The following SYT1 variants were observed in gnomAD, a reference collection of about 807,000 sequenced individuals.
SYT1 encodes the protein synaptotagmin 1.
In SYT1, 8 loss-of-function variants were observed where a neutral mutation model predicts 44.8. That is an observed-to-expected ratio of 0.18 (90% CI 0.10 to 0.32). The LOEUF is 0.32. Among genes scored for constraint, SYT1 ranks in the 10% least tolerant of loss-of-function variants. SYT1 has a pLI of 1.00. For synonymous variants in SYT1, 154 were observed against 188.8 expected (o/e 0.82, Z 1.51); for missense variants, 286 against 509.3 (o/e 0.56, Z 4.22).
chr12:78,945,324 C>A (rs1342479561), intron 1 of SYT1, among the ~76,000 whole-genome samples: 1 of 151,738 alleles, frequency 6.6e-6, no homozygotes, highest in African/African-American at 2.4e-5. Flanking sequence ...CTAAGATATT[C>A]TTTCATGTAT....
chr12:79,440,112 G>A (rs1033883381), intron 9 of SYT1, among the ~76,000 whole-genome samples: 1 of 152,100 alleles, frequency 6.6e-6, no homozygotes, highest in African/African-American at 2.4e-5. Context: ...CAGCTACTTG[G>A]GAGGCTGAGG....
At chr12:79,408,729 CT>C (rs200830513) in intron 9 of SYT1, among the ~76,000 whole-genome samples, 19,433 of 141,022 alleles carry the variant, frequency 0.14, 1,596 homozygotes, top group Middle Eastern at 0.34. Context: ...CCTTTTCTTT[CT>C]TTTTTTTTTT....
chr12:79,340,243 C>A (rs1482058997), intron 8 of SYT1, among the ~76,000 whole-genome samples: 1 of 152,166 alleles, frequency 6.6e-6, no homozygotes, highest in Non-Finnish European at 1.5e-5. Context: ...GGCACTGAAT[C>A]TATAAATTAC....
At chr12:79,062,742 G>T (rs1347154440) in intron 3 of SYT1, among the ~76,000 whole-genome samples, 15 of 152,146 alleles carry the variant, frequency 9.9e-5, no homozygotes, top group Non-Finnish European at 2.2e-4. Context: ...CAATTTAAAA[G>T]AATCACTTCT....
intron 2 of SYT1, among the ~76,000 whole-genome samples, chr12:79,005,935 A>G (rs1207260957): frequency 6.6e-6 from 1 of 152,120 alleles, no homozygotes; most frequent in Non-Finnish European, 1.5e-5. Context: ...CCAAAGGAGT[A>G]TTGCCATTTG....
intron 3 of SYT1, among the ~76,000 whole-genome samples, chr12:79,071,860 C>G (rs951538798): frequency 6.6e-6 from 1 of 152,120 alleles, no homozygotes; most frequent in Admixed American, 6.6e-5. Flanking sequence ...TCTGCAAAGA[C>G]CCTATTTCCA....
Position 79,308,998 on chromosome 12 carries a change from C to T in SYT1, c.810+9447C>T, listed in dbSNP as rs186361603. Among the ~76,000 whole-genome samples, 1,103 of 152,316 alleles carry T rather than the reference C, an allele frequency of 7.2e-3. 14 individuals are homozygous for T. The highest frequency in any genetic ancestry group is 0.025 in the African/African-American group (1,052 of 41,570). ...ATAAGAGCAGTAGTATGAGTGCTGG[C>T]AGACCAGCTGCCACTTTCCTATACA... On this transcript the variant is annotated intron_variant, in intron 8 of 10. Coordinates refer to ENST00000261205, the MANE Select transcript of SYT1 (RefSeq NM_005639.3).
chr12:79,179,506 GATATAGATATATCT>G (rs1872347086), intron 3 of SYT1, among the ~76,000 whole-genome samples: 1 of 90,724 alleles, frequency 1.1e-5, no homozygotes, highest in African/African-American at 4.3e-5. Flanking sequence ...TATAGATATA[GATATAGATATATCT>G]ATATAGATAT....
intron 3 of SYT1, among the ~76,000 whole-genome samples, chr12:79,136,720 C>A (rs1290923273): frequency 6.6e-6 from 1 of 152,040 alleles, no homozygotes; most frequent in Non-Finnish European, 1.5e-5. Context: ...TCTTGCTAAA[C>A]TGAAAAACAA....
chr12:79,448,324 A>T (rs1389514668), intron 10 of SYT1, among the ~76,000 whole-genome samples: 1 of 152,224 alleles, frequency 6.6e-6, no homozygotes, highest in African/African-American at 2.4e-5. Flanking sequence ...TTTTAACCAT[A>T]CTTTTCACTA....
At chr12:78,960,094 T>G (rs1406376934) in intron 1 of SYT1, among the ~76,000 whole-genome samples, 1 of 152,186 alleles carries the variant, frequency 6.6e-6, no homozygotes, top group Non-Finnish European at 1.5e-5. Context: ...TAATAGTCAA[T>G]ACATTAGTGA....
At chr12:79,428,354 C>T in intron 9 of SYT1, among the ~76,000 whole-genome samples, 1 of 152,080 alleles carries the variant, frequency 6.6e-6, no homozygotes, top group East Asian at 1.9e-4. Flanking sequence ...CACCTGGAGG[C>T]CACACTGAAC....
chr12:79,222,856 T>C (rs1038791518), intron 4 of SYT1, among the ~76,000 whole-genome samples: 2 of 152,200 alleles, frequency 1.3e-5, no homozygotes, highest in African/African-American at 4.8e-5. Context: ...TCAAAGATTC[T>C]TTCTTCTGTT....
rs181778840 is a variant in SYT1 at position 79,376,173 on chromosome 12, G to A, written c.928+22554G>A. On this transcript the variant is annotated intron_variant, in intron 9 of 10. Coordinates refer to ENST00000261205, the MANE Select transcript of SYT1 (RefSeq NM_005639.3). ...GGGTCCCAATCCAGACCCCAAGAGA[G>A]GGTTCTTGGATCTTGTGCAAGGAGG... is the stretch of plus-strand genomic sequence containing the variant. Among the ~76,000 whole-genome samples, 14 of 152,282 alleles carry A rather than the reference G, an allele frequency of 9.2e-5. 1 individual carries two copies. The highest frequency in any genetic ancestry group is 7.8e-4 in the Admixed American group (12 of 15,302).
chr12:79,332,104 A>G (rs975233127), intron 8 of SYT1, among the ~76,000 whole-genome samples: 2 of 152,336 alleles, frequency 1.3e-5, no homozygotes, highest in Admixed American at 1.3e-4. Flanking sequence ...TGAACTTTAC[A>G]TAACCAAAAA....
At chr12:78,971,918 T>G (rs1175445948) in intron 1 of SYT1, among the ~76,000 whole-genome samples, 2 of 151,360 alleles carry the variant, frequency 1.3e-5, no homozygotes, top group African/African-American at 4.8e-5. Flanking sequence ...TTTAAGGGTC[T>G]GGTGAAAATG....
At chr12:79,260,023 G>A (rs1410193709) in intron 4 of SYT1, among the ~76,000 whole-genome samples, 3 of 151,894 alleles carry the variant, frequency 2.0e-5, no homozygotes, top group Non-Finnish European at 4.4e-5. Context: ...TTGTTCTCTT[G>A]GTTTTATTTT....
chr12:79,060,888 C>CAA (rs375972275), intron 3 of SYT1, among the ~76,000 whole-genome samples: 5 of 148,442 alleles, frequency 3.4e-5, no homozygotes, highest in African/African-American at 1.2e-4. Context: ...AGGCAATCAG[C>CAA]AAAAAAAAAT....
At chr12:79,406,901 A>T (rs1369898187) in intron 9 of SYT1, among the ~76,000 whole-genome samples, 4 of 152,092 alleles carry the variant, frequency 2.6e-5, no homozygotes, top group Non-Finnish European at 4.4e-5. Flanking sequence ...AGCCATTATT[A>T]TTCTGGTGTA....
Sources: gnomAD v4.1 joint callset for allele counts (sites outside exome capture counted in the v4.1 genomes callset) on GRCh38, gnomAD v4.1.1 for gene constraint, MANE v1.5 for transcripts, NCBI Gene and HGNC (gene_info 2026-07-23, HGNC 2026-07-21) for gene names.